ADAMTS12: variants seen among roughly 807,000 people sequenced by gnomAD.
ADAMTS12 encodes A disintegrin and metalloproteinase with thrombospondin motifs 12.
In ADAMTS12, 118 loss-of-function variants were observed where a neutral mutation model predicts 167.8. The ratio of observed to expected loss-of-function variants is 0.70; its 90% CI spans 0.61 to 0.82. The LOEUF (loss-of-function observed/expected upper bound fraction) is 0.82, where lower values mean the gene tolerates loss of function less well. ADAMTS12 is among the 40% of genes least tolerant of loss of function. ADAMTS12 has a pLI of 0.00. For missense variants in ADAMTS12, 1,916 were observed against 1,998.8 expected, an observed-to-expected ratio of 0.96 and a Z score of 0.79; for synonymous variants, 704 against 716.9, an observed-to-expected ratio of 0.98 and a Z score of 0.29.
intron 2 of ADAMTS12, among the ~76,000 whole-genome samples, chr5:33,791,935 G>A (rs534327221): frequency 9.3e-5 from 14 of 150,952 alleles, no homozygotes; most frequent in South Asian, 6.3e-4. Flanking sequence ...AGGTCCTGGT[G>A]GTAATTATCT....
At chr5:33,531,804 A>T (rs1305081636) in intron 23 of ADAMTS12, among the ~76,000 whole-genome samples, 1 of 152,222 alleles carries the variant, frequency 6.6e-6, no homozygotes, top group Non-Finnish European at 1.5e-5. Flanking sequence ...GCTTTTCAAT[A>T]GTCCTTGGAG....
rs1745725271 is a variant in ADAMTS12 at position 33,561,041 on chromosome 5, C to T, written c.4111G>A (p.Gly1371Arg). Residue 1371 changes from glycine to arginine, a missense_variant, in exon 20 of 24, where the codon GGA becomes AGA. Transcript: ENST00000504830. The part of the protein sequence containing the change: ...HLRPCAGWKV[G>R]NWSKCSRNCS... ...TGATAAGTTACCTTGCTCCAGTTTC[C>T]CACTTTCCAGCCAGCACAGGGACGG... 6.2e-7 allele frequency: 1 copy of T among 1,614,018 alleles called. No individual in the cohort carries two copies. Among genetic ancestry groups the T allele is most frequent in the African/African-American group, 1.3e-5 (1 of 74,914 alleles).
intron 3 of ADAMTS12, among the ~76,000 whole-genome samples, chr5:33,703,388 C>T (rs376279060): frequency 1.3e-5 from 2 of 152,116 alleles, no homozygotes; most frequent in African/African-American, 2.4e-5. Flanking sequence ...AGTTTCATTC[C>T]GCCCCCATTT....
At chr5:33,633,089 T>C (rs1579778361) in intron 12 of ADAMTS12, among the ~76,000 whole-genome samples, 2 of 151,492 alleles carry the variant, frequency 1.3e-5, no homozygotes, top group East Asian at 3.9e-4. Flanking sequence ...GTTAGCATGG[T>C]TATCTTGGAG....
At chr5:33,815,674 C>A (rs1747626048) in intron 2 of ADAMTS12, among the ~76,000 whole-genome samples, 1 of 152,174 alleles carries the variant, frequency 6.6e-6, no homozygotes, top group Admixed American at 6.5e-5. Flanking sequence ...GCACAATGAG[C>A]AAGGCAGATA....
intron 2 of ADAMTS12, among the ~76,000 whole-genome samples, chr5:33,817,953 T>C (rs1340118015): frequency 1.3e-5 from 2 of 152,106 alleles, no homozygotes; most frequent in Non-Finnish European, 1.5e-5. Flanking sequence ...GGTTTTATCA[T>C]GTGAAAAGAG....
At chr5:33,627,113 G>A (rs1360436088) in intron 13 of ADAMTS12, among the ~76,000 whole-genome samples, 3 of 149,738 alleles carry the variant, frequency 2.0e-5, no homozygotes, top group African/African-American at 4.9e-5. Context: ...TGATGGTTGT[G>A]GTGGTGGTGG....
intron 2 of ADAMTS12, among the ~76,000 whole-genome samples, chr5:33,880,132 A>G (rs929712290): frequency 1.3e-5 from 2 of 152,208 alleles, no homozygotes; most frequent in African/African-American, 4.8e-5. Context: ...ATTTTGAGAT[A>G]TAGCGTATAA....
At chr5:33,685,216 T>C (rs75766198) in intron 3 of ADAMTS12, among the ~76,000 whole-genome samples, 20,292 of 152,208 alleles carry the variant, frequency 0.13, 1,731 homozygotes, top group South Asian at 0.43. Context: ...TAATCTCTGG[T>C]AATGGCCATC....
intron 3 of ADAMTS12, among the ~76,000 whole-genome samples, chr5:33,727,112 G>A (rs1744008075): frequency 6.6e-6 from 1 of 152,048 alleles, no homozygotes; most frequent in African/African-American, 2.4e-5. Flanking sequence ...GTTGCCACCT[G>A]CCCTATGCTG....
At chr5:33,855,970 A>C (rs1749387517) in intron 2 of ADAMTS12, among the ~76,000 whole-genome samples, 2 of 152,130 alleles carry the variant, frequency 1.3e-5, no homozygotes, top group South Asian at 4.1e-4. Flanking sequence ...GGATTCAAAC[A>C]ATCCTCCTGC....
intron 2 of ADAMTS12, among the ~76,000 whole-genome samples, chr5:33,788,871 C>T (rs1486927053): frequency 9.2e-5 from 14 of 152,168 alleles, no homozygotes; most frequent in African/African-American, 2.7e-4. Flanking sequence ...CATCCTCTTT[C>T]GTTCAGATGC....
chr5:33,752,573 C>T (rs1321700207), intron 2 of ADAMTS12, among the ~76,000 whole-genome samples: 2 of 152,138 alleles, frequency 1.3e-5, no homozygotes, highest in East Asian at 3.9e-4. Flanking sequence ...TAGAAGAGGG[C>T]CTGGATCATA....
intron 21 of ADAMTS12, among the ~76,000 whole-genome samples, chr5:33,547,544 A>G (rs973553041): frequency 6.6e-6 from 1 of 152,152 alleles, no homozygotes; most frequent in Non-Finnish European, 1.5e-5. Flanking sequence ...CAAGGAAAGT[A>G]CCTAAAGATG....
intron 2 of ADAMTS12, among the ~76,000 whole-genome samples, chr5:33,868,526 T>G (rs1348848336): frequency 6.6e-6 from 1 of 152,210 alleles, no homozygotes; most frequent in African/African-American, 2.4e-5. Flanking sequence ...ATCGTGCTCC[T>G]GCCCTAGAGA....
At chr5:33,709,683 C>A (rs1743324991) in intron 3 of ADAMTS12, among the ~76,000 whole-genome samples, 2 of 151,328 alleles carry the variant, frequency 1.3e-5, no homozygotes, top group African/African-American at 2.4e-5. Flanking sequence ...GGGAGGGGAA[C>A]AACACACATG....
chr5:33,540,963 C>A (rs1390077262), intron 22 of ADAMTS12, among the ~76,000 whole-genome samples: 1 of 152,198 alleles, frequency 6.6e-6, no homozygotes, highest in Non-Finnish European at 1.5e-5. Flanking sequence ...AGCACTGGAA[C>A]AAAGCTGGAT....
chr5:33,556,373 T>G (rs149438576), intron 20 of ADAMTS12, among the ~76,000 whole-genome samples: 12 of 152,304 alleles, frequency 7.9e-5, no homozygotes, highest in African/African-American at 2.6e-4. Flanking sequence ...TGATTTTGTT[T>G]CAGACAGATT....
rs1222401209 is a variant in ADAMTS12, at chr5:33,839,667, C to G, written c.489+41452G>C. The stretch of plus-strand genomic sequence containing the variant: ...CAAGCTTCTTGCCTCCTAGGTTTGA[C>G]TGTCCACTTTAAAACTCCTCCCACA... On this transcript the variant is annotated intron_variant, in intron 2 of 23. Coordinates refer to ENST00000504830, the MANE Select transcript of ADAMTS12 (RefSeq NM_030955.4). Among the ~76,000 whole-genome samples, 3 of 152,220 alleles carry G rather than the reference C, an allele frequency of 2.0e-5. No individual in the cohort carries two copies. The East Asian group carries it at 5.8e-4, about 29-fold the overall frequency.
Sources: allele counts gnomAD v4.1 joint callset (sites outside exome capture counted in the v4.1 genomes callset), GRCh38; gene constraint gnomAD v4.1.1; transcripts MANE v1.5; gene names NCBI Gene and HGNC (gene_info 2026-07-23, HGNC 2026-07-21).